PARD3B: variants seen among roughly 807,000 people sequenced by gnomAD.
PARD3B encodes partitioning defective 3 homolog B.
PARD3B carries 103 observed loss-of-function variants against 130.2 expected under a neutral mutation model. The ratio of observed to expected loss-of-function variants is 0.79; its 90% confidence interval spans 0.67 to 0.93. The LOEUF (loss-of-function observed/expected upper bound fraction) is 0.93, where lower values mean the gene tolerates loss of function less well. Among genes scored for constraint, PARD3B ranks in the 40% least tolerant of loss-of-function variants. PARD3B has a pLI of 0.00. For synonymous variants in PARD3B, 583 were observed against 553.2 expected (o/e 1.05, Z -0.76); for missense variants, 1,609 against 1,499.2 (o/e 1.07, Z -1.21).
intron 15 of PARD3B, among the ~76,000 whole-genome samples, chr2:205,234,734 A>G (rs897401398): frequency 2.0e-5 from 3 of 152,180 alleles, no homozygotes; most frequent in African/African-American, 7.2e-5. Flanking sequence ...AACTGAATAC[A>G]CATTTTTTTT....
chr2:205,528,593 G>A (rs1336499157), intron 21 of PARD3B, among the ~76,000 whole-genome samples: 1 of 151,838 alleles, frequency 6.6e-6, no homozygotes, highest in African/African-American at 2.4e-5. Context: ...CCAGGTTCAA[G>A]CGATTCTTCT....
rs1321868901 is a variant in PARD3B at position 205,185,843 on chromosome 2, C to A, written c.2004C>A (p.Gly668=). 6.2e-7 allele frequency: 1 copy of A among 1,613,524 alleles called. No homozygotes were observed. The highest frequency in any genetic ancestry group is 8.5e-7 in the Non-Finnish European group (1 of 1,179,474). The change falls in exon 14 of 23, where the codon GGC becomes GGA. Residue 668 remains glycine (G), a synonymous_variant. Coordinates refer to ENST00000406610, the MANE Select transcript of PARD3B (RefSeq NM_001302769.2). ...SPTPHSALGL[G]LEDYSHSSGV... Reference sequence around the variant, plus strand: ...CACCACATTCTGCTCTGGGATTGGGCCTCGAAGATTACAGCCACAGGTATT... The same window carrying A: ...CACCACATTCTGCTCTGGGATTGGGACTCGAAGATTACAGCCACAGGTATT...
intron 10 of PARD3B, among the ~76,000 whole-genome samples, chr2:205,149,343 C>T (rs1457272368): frequency 6.6e-6 from 1 of 152,070 alleles, no homozygotes; most frequent in Non-Finnish European, 1.5e-5. Flanking sequence ...TTCTGAAAGT[C>T]CTGGGATTAC....
Position 204,957,450 on chromosome 2 carries a change from C to G in PARD3B, c.223-7702C>G, listed in dbSNP as rs546137798. On this transcript the variant is annotated intron_variant, in intron 2 of 22. Coordinates refer to ENST00000406610, the MANE Select transcript of PARD3B (RefSeq NM_001302769.2). ...TGTAAAGTTTTTAAAGGTTCCTGTT[C>G]TGAATTTTCAGTTTGGGGAGGAAAT... 5.3e-5 allele frequency among the ~76,000 whole-genome samples: 8 copies of G among 151,966 alleles called. No homozygotes were observed. The South Asian group carries it at 1.2e-3, about 24-fold the overall frequency.
At chr2:204,877,475 G>A (rs1346430556) in intron 2 of PARD3B, among the ~76,000 whole-genome samples, 1 of 152,124 alleles carries the variant, frequency 6.6e-6, no homozygotes, top group Non-Finnish European at 1.5e-5. Flanking sequence ...TTTCCCATAT[G>A]TGAGTTATGT....
chr2:204,841,260 G>A (rs2044250977), intron 2 of PARD3B, among the ~76,000 whole-genome samples: 1 of 152,052 alleles, frequency 6.6e-6, no homozygotes, highest in Admixed American at 6.6e-5. Flanking sequence ...AAAACAGAGT[G>A]GAATGGAAAA....
At chr2:205,333,322 G>A (rs1261216665) in intron 18 of PARD3B, among the ~76,000 whole-genome samples, 1 of 149,792 alleles carries the variant, frequency 6.7e-6, no homozygotes, top group African/African-American at 2.5e-5. Context: ...TATAAAAAAA[G>A]AATGTAAAAT....
rs928804041 is a variant in PARD3B at position 205,592,920 on chromosome 2, G to T, written c.3261-22536G>T. 6.6e-6 allele frequency among the ~76,000 whole-genome samples: 1 copy of T among 152,256 alleles called. No individual in the cohort carries two copies. The highest frequency in any genetic ancestry group is 1.5e-5 in the Non-Finnish European group (1 of 68,048). ...TGCCCCATGGCACTGACTCAGCCTT[G>T]AGCAGAAGCACTGTGTTTTGTCTTT... On this transcript the variant is annotated intron_variant, in intron 22 of 22. Coordinates refer to ENST00000406610, the MANE Select transcript of PARD3B (RefSeq NM_001302769.2). The surrounding 1 kb of genome is among the most constrained non-coding windows in gnomAD (Gnocchi z 4.5).
At chr2:204,821,105 T>A (rs1287828715) in intron 2 of PARD3B, among the ~76,000 whole-genome samples, 38 of 152,126 alleles carry the variant, frequency 2.5e-4, no homozygotes, top group Non-Finnish European at 1.0e-4. Flanking sequence ...AGTAATGTTG[T>A]TTTCATGTAT....
chr2:204,740,890 G>A (rs112565607), intron 2 of PARD3B, among the ~76,000 whole-genome samples: 1 of 152,122 alleles, frequency 6.6e-6, no homozygotes, highest in Non-Finnish European at 1.5e-5. Flanking sequence ...GGATGTTTTT[G>A]TGTATCTTAA....
intron 2 of PARD3B, among the ~76,000 whole-genome samples, chr2:204,736,420 C>T (rs1011124755): frequency 1.3e-5 from 2 of 151,748 alleles, no homozygotes; most frequent in African/African-American, 4.8e-5. Flanking sequence ...TATCGCTAGC[C>T]CCCCCTTTCA....
chr2:205,152,224 A>G (rs2033807177), intron 10 of PARD3B, among the ~76,000 whole-genome samples: 1 of 151,984 alleles, frequency 6.6e-6, no homozygotes, highest in African/African-American at 2.4e-5. Flanking sequence ...GGTGAATCTG[A>G]CAGTTATGTG....
At chr2:204,726,620 A>T (rs1322077185) in intron 2 of PARD3B, among the ~76,000 whole-genome samples, 1 of 152,152 alleles carries the variant, frequency 6.6e-6, no homozygotes, top group Non-Finnish European at 1.5e-5. Context: ...TGACCTTGAG[A>T]TGGGATTCAA....
At chr2:204,958,264 C>A (rs1436907187) in intron 2 of PARD3B, among the ~76,000 whole-genome samples, 1 of 152,120 alleles carries the variant, frequency 6.6e-6, no homozygotes, top group East Asian at 1.9e-4. Context: ...ACAGAATAAA[C>A]CACACCATGA....
chr2:204,841,718 T>C (rs2044265475), intron 2 of PARD3B, among the ~76,000 whole-genome samples: 1 of 152,128 alleles, frequency 6.6e-6, no homozygotes, highest in Non-Finnish European at 1.5e-5. Flanking sequence ...TCTCTTTTCC[T>C]CTTCTACAGG....
In PARD3B at chr2:205,033,734, C is replaced by G. The variant is rs151105199; in HGVS notation, c.395-13847C>G. ...CATCCACAGAATCTTTTCAGGTGAA[C>G]TCAACTATTATCCCTTTAGCTATTC... is the stretch of plus-strand genomic sequence containing the variant. On this transcript the variant is annotated intron_variant, in intron 3 of 22. Coordinates refer to ENST00000406610, the MANE Select transcript of PARD3B (RefSeq NM_001302769.2). 5.8e-3 allele frequency among the ~76,000 whole-genome samples: 888 copies of G among 152,268 alleles called. 10 individuals are homozygous for G. The highest frequency in any genetic ancestry group is 0.021 in the African/African-American group (852 of 41,546).
chr2:205,505,062 A>G (rs1486142167), intron 21 of PARD3B, among the ~76,000 whole-genome samples: 2 of 152,220 alleles, frequency 1.3e-5, no homozygotes, highest in Non-Finnish European at 2.9e-5. Flanking sequence ...ATGCAGCCAT[A>G]AAAAATGATG....
intron 1 of PARD3B, among the ~76,000 whole-genome samples, chr2:204,632,114 G>A (rs769857183): frequency 2.6e-5 from 4 of 152,160 alleles, no homozygotes; most frequent in Admixed American, 6.5e-5. Context: ...CCATCCCCTC[G>A]TTACTATCCT....
At chr2:205,505,044 G>A (rs1425820057) in intron 21 of PARD3B, among the ~76,000 whole-genome samples, 2 of 152,196 alleles carry the variant, frequency 1.3e-5, no homozygotes, top group African/African-American at 2.4e-5. Flanking sequence ...TATACACCAT[G>A]GAAAACTATG....
Sources: gnomAD v4.1 joint callset for allele counts (sites outside exome capture counted in the v4.1 genomes callset) on GRCh38, gnomAD v4.1.1 for gene constraint, Gnocchi (gnomAD v3.1) non-coding constraint, MANE v1.5 for transcripts, NCBI Gene and HGNC (gene_info 2026-07-23, HGNC 2026-07-21) for gene names.